Variants in ST6GALNAC3 observed in about 807,000 individuals in gnomAD.
The protein encoded by ST6GALNAC3 is ST6 N-acetylgalactosaminide alpha-2,6-sialyltransferase 3.
In ST6GALNAC3, 25 loss-of-function variants were observed where a neutral mutation model predicts 32.7. The observed-to-expected ratio is 0.76, with a 90% CI of 0.56 to 1.07. The LOEUF (loss-of-function observed/expected upper bound fraction) is 1.07. ST6GALNAC3 is among the 50% of genes least tolerant of loss of function. ST6GALNAC3 has a pLI of 0.00. For synonymous variants in ST6GALNAC3, 129 were observed against 133.1 expected, an observed-to-expected ratio of 0.97 and a Z score of 0.21; for missense variants, 355 against 382.4, an observed-to-expected ratio of 0.93 and a Z score of 0.60.
rs111291557 is a variant in ST6GALNAC3 at position 76,508,326 on chromosome 1, G to A, written c.623+95909G>A. On this transcript the variant is annotated intron_variant, in intron 3 of 4. Transcript: ENST00000328299. ...AGGCAGTAATGCTCGCTTGCCCACC[G>A]CTCACCTACTGCTGTGTTGCCCAGT... Among the ~76,000 whole-genome samples the A allele has an allele frequency of 7.9e-3, 1,199 of 152,212 alleles. 29 individuals carry two copies. Among genetic ancestry groups the A allele is most frequent in the African/African-American group, 0.027 (1,123 of 41,520 alleles).
At chr1:76,415,414 C>A (rs559866609) in intron 3 of ST6GALNAC3, among the ~76,000 whole-genome samples, 180 of 151,900 alleles carry the variant, frequency 1.2e-3, no homozygotes, top group Non-Finnish European at 1.6e-3. Context: ...AGAAACCAAT[C>A]CTGTTCTCCT....
intron 2 of ST6GALNAC3, among the ~76,000 whole-genome samples, chr1:76,341,608 T>G (rs147148576): frequency 1.6e-4 from 9 of 57,580 alleles, no homozygotes; most frequent in African/African-American, 2.3e-4. Flanking sequence ...AAACTGCTTT[T>G]CTTTCTTTCT....
In ST6GALNAC3 at chr1:76,611,082, T is replaced by TATATAC. The variant is rs34022589; in HGVS notation, c.624-16369_624-16368insTATACA. 2.5e-3 allele frequency among the ~76,000 whole-genome samples: 385 copies of TATATAC among 151,772 alleles called. 4 individuals are homozygous for TATATAC. The highest frequency in any genetic ancestry group is 8.8e-3 in the African/African-American group (364 of 41,396). On this transcript the variant is annotated intron_variant, in intron 3 of 4. Transcript: ENST00000328299. ...TCCAGGTGAGGTATATATATATATA[T>TATATAC]ACACACACACATATATCCTTAGGCA...
chr1:76,416,101 C>A (rs895722801), intron 3 of ST6GALNAC3, among the ~76,000 whole-genome samples: 8 of 149,478 alleles, frequency 5.4e-5, no homozygotes, highest in Non-Finnish European at 1.2e-4. Flanking sequence ...AATAACAGCA[C>A]AACAAGCAAT....
rs2631790 is a variant in ST6GALNAC3 at position 76,214,356 on chromosome 1, A to G, written c.19-99449A>G. 8.5e-3 allele frequency among the ~76,000 whole-genome samples: 1,287 copies of G among 152,278 alleles called. 20 individuals are homozygous for G. The highest frequency in any genetic ancestry group is 0.03 in the African/African-American group (1,227 of 41,558). ...TTTCATCTTTTCATGATGCAATACA[A>G]TTGCCAAATTTCTTACTTCTCATAT... On this transcript the variant is annotated intron_variant, in intron 1 of 4. Coordinates refer to ENST00000328299, the MANE Select transcript of ST6GALNAC3 (RefSeq NM_152996.4).
At chr1:76,466,575 C>T (rs2101613425) in intron 3 of ST6GALNAC3, among the ~76,000 whole-genome samples, 1 of 152,136 alleles carries the variant, frequency 6.6e-6, no homozygotes, top group Admixed American at 6.6e-5. Context: ...AGTATTTTGG[C>T]AATACATCAA....
intron 1 of ST6GALNAC3, among the ~76,000 whole-genome samples, chr1:76,147,918 C>T (rs1055568660): frequency 6.6e-6 from 1 of 152,116 alleles, no homozygotes; most frequent in African/African-American, 2.4e-5. Context: ...CTTCTGTATT[C>T]GTGACCCTTC....
At chr1:76,544,266 A>T (rs1053286360) in intron 3 of ST6GALNAC3, among the ~76,000 whole-genome samples, 4 of 152,052 alleles carry the variant, frequency 2.6e-5, no homozygotes, top group Admixed American at 6.6e-5. Context: ...CATGGTAAGG[A>T]TTTTGAGCTT....
At chr1:76,385,892 C>A (rs923043759) in intron 2 of ST6GALNAC3, among the ~76,000 whole-genome samples, 12 of 151,942 alleles carry the variant, frequency 7.9e-5, no homozygotes, top group African/African-American at 2.9e-4. Flanking sequence ...TCAGTTCTGG[C>A]AGGAATTTAT....
intron 1 of ST6GALNAC3, among the ~76,000 whole-genome samples, chr1:76,079,443 A>G (rs574738674): frequency 1.3e-5 from 2 of 152,218 alleles, no homozygotes; most frequent in African/African-American, 2.4e-5. Context: ...ATTTTTAAAA[A>G]ATATAGGTGA....
chr1:76,349,526 T>G (rs1312422023), intron 2 of ST6GALNAC3, among the ~76,000 whole-genome samples: 2 of 152,136 alleles, frequency 1.3e-5, no homozygotes, highest in Non-Finnish European at 2.9e-5. Context: ...CTTTTTGAAT[T>G]TTTGTTTTCC....
At chr1:76,350,144 A>G (rs1265204053) in intron 2 of ST6GALNAC3, among the ~76,000 whole-genome samples, 1 of 152,184 alleles carries the variant, frequency 6.6e-6, no homozygotes, top group Non-Finnish European at 1.5e-5. Flanking sequence ...AAAAATTTCA[A>G]GAGAAAACCT....
At chr1:76,157,007 A>G (rs999484563) in intron 1 of ST6GALNAC3, among the ~76,000 whole-genome samples, 3 of 152,198 alleles carry the variant, frequency 2.0e-5, no homozygotes, top group African/African-American at 7.2e-5. Flanking sequence ...CTGGGATTAC[A>G]GGTGTAAGCC....
chr1:76,204,321 C>T (rs910909750), intron 1 of ST6GALNAC3, among the ~76,000 whole-genome samples: 2 of 152,096 alleles, frequency 1.3e-5, no homozygotes, highest in African/African-American at 4.8e-5. Context: ...CATATTTTGG[C>T]TATTATAAAT....
intron 3 of ST6GALNAC3, among the ~76,000 whole-genome samples, chr1:76,444,648 T>C (rs1656844077): frequency 6.6e-6 from 1 of 152,216 alleles, no homozygotes; most frequent in Admixed American, 6.5e-5. Context: ...GTGTCTGGAC[T>C]CTGGTAGGGA....
At chr1:76,177,358 T>C (rs1464486178) in intron 1 of ST6GALNAC3, among the ~76,000 whole-genome samples, 1 of 152,208 alleles carries the variant, frequency 6.6e-6, no homozygotes, top group Non-Finnish European at 1.5e-5. Flanking sequence ...AAAATTTCTT[T>C]AGGTGATTGT....
At chr1:76,585,888 G>A (rs1264442858) in intron 3 of ST6GALNAC3, among the ~76,000 whole-genome samples, 2 of 152,062 alleles carry the variant, frequency 1.3e-5, no homozygotes, top group South Asian at 2.1e-4. Flanking sequence ...AGAAGTCACT[G>A]GCCTGGAATA....
At chr1:76,568,104 G>A (rs1665654605) in intron 3 of ST6GALNAC3, among the ~76,000 whole-genome samples, 3 of 152,162 alleles carry the variant, frequency 2.0e-5, no homozygotes, top group East Asian at 1.9e-4. Context: ...CAGAATGCCT[G>A]GTTAACTCAC....
chr1:76,315,529 T>G (rs986198512), intron 2 of ST6GALNAC3, among the ~76,000 whole-genome samples: 7 of 152,158 alleles, frequency 4.6e-5, no homozygotes, highest in Non-Finnish European at 5.9e-5. Flanking sequence ...ATCTTTGAAA[T>G]TATTTTGATG....
Sources: gnomAD v4.1 joint callset for allele counts (sites outside exome capture counted in the v4.1 genomes callset) on GRCh38, gnomAD v4.1.1 for gene constraint, MANE v1.5 for transcripts, NCBI Gene and HGNC (gene_info 2026-07-23, HGNC 2026-07-21) for gene names.